The following RGS22 variants were observed in gnomAD, a reference collection of about 807,000 sequenced individuals.
The protein encoded by RGS22 is regulator of G-protein signaling 22.
In RGS22, 148 loss-of-function variants were observed where a neutral mutation model predicts 172.9. The observed-to-expected ratio is 0.86, with a 90% CI of 0.75 to 0.98. The LOEUF (loss-of-function observed/expected upper bound fraction) is 0.98. Ranked by LOEUF, RGS22 falls within the 50% of genes least tolerant of loss-of-function variation. The pLI is 0.00. For missense variants in RGS22, 1,347 were observed against 1,440.8 expected (o/e 0.93, Z 1.05); for synonymous variants, 458 against 480.2 (o/e 0.95, Z 0.60).
chr8:100,043,171 T>C (rs1820323803), intron 11 of RGS22, among the ~76,000 whole-genome samples: 1 of 152,212 alleles, frequency 6.6e-6, no homozygotes, highest in African/African-American at 2.4e-5. Context: ...CTAGTTAGGT[T>C]TCTGGTATTT....
intron 9 of RGS22, among the ~76,000 whole-genome samples, chr8:100,057,553 GCT>G (rs1809744688): frequency 6.6e-6 from 1 of 152,120 alleles, no homozygotes; most frequent in African/African-American, 2.4e-5. Context: ...TCTTTCCCAT[GCT>G]GGTCTTGTGG....
At chr8:100,075,017 G>A (rs113293234) in intron 4 of RGS22, among the ~76,000 whole-genome samples, 129 of 152,210 alleles carry the variant, frequency 8.5e-4, no homozygotes, top group African/African-American at 2.9e-3. Flanking sequence ...TGATCCAGCC[G>A]TCTCGGCCTC....
intron 4 of RGS22, among the ~76,000 whole-genome samples, chr8:100,079,463 T>C (rs1811590326): frequency 6.6e-6 from 1 of 152,218 alleles, no homozygotes; most frequent in Admixed American, 6.5e-5. Flanking sequence ...TCTTAAATGT[T>C]AGACATACTT....
intron 14 of RGS22, among the ~76,000 whole-genome samples, chr8:100,019,041 T>C (rs1345399015): frequency 1.3e-5 from 2 of 152,232 alleles, no homozygotes; most frequent in Non-Finnish European, 2.9e-5. Flanking sequence ...TATTTGGATT[T>C]CTCTTTGTAT....
intron 4 of RGS22, among the ~76,000 whole-genome samples, chr8:100,073,115 T>G (rs897514362): frequency 2.0e-5 from 3 of 152,192 alleles, no homozygotes; most frequent in Non-Finnish European, 4.4e-5. Context: ...CTAAATAATA[T>G]CAGTACCTTG....
chr8:100,040,192 A>G, intron 12 of RGS22, 105 bp from the exon 13 acceptor site: 1 of 986,722 alleles, frequency 1.0e-6, no homozygotes. Context: ...TCATTTTCCC[A>G]CTGGACTATT....
intron 24 of RGS22, among the ~76,000 whole-genome samples, chr8:99,963,579 G>T (rs757513947): frequency 2.0e-5 from 3 of 152,044 alleles, no homozygotes; most frequent in Non-Finnish European, 4.4e-5. Flanking sequence ...TTCTGCATCT[G>T]CAGATTCAAC....
At chr8:100,076,646 C>G (rs1213588252) in intron 4 of RGS22, among the ~76,000 whole-genome samples, 1 of 152,152 alleles carries the variant, frequency 6.6e-6, no homozygotes, top group African/African-American at 2.4e-5. Flanking sequence ...AGATGTAGGA[C>G]TATTCAGATT....
chr8:100,099,319 T>C (rs574308347), intron 2 of RGS22, among the ~76,000 whole-genome samples: 5 of 152,320 alleles, frequency 3.3e-5, no homozygotes, highest in Admixed American at 3.3e-4. Context: ...GCTTTCTCCT[T>C]GTACAAAGAT....
intron 1 of RGS22, 184 bp from the exon 2 acceptor site, chr8:100,105,586 G>A: frequency 1.6e-6 from 1 of 621,416 alleles, no homozygotes; most frequent in Non-Finnish European, 2.8e-6. Context: ...GAAGTGGGAA[G>A]GAAAGGCCTC....
At chr8:99,983,615 G>A (rs775533794) in intron 21 of RGS22, among the ~76,000 whole-genome samples, 12 of 152,084 alleles carry the variant, frequency 7.9e-5, no homozygotes, top group Admixed American at 2.0e-4. Flanking sequence ...AGAAGTATCC[G>A]TTCATGTCCT....
chr8:100,049,365 C>A (rs1456387760), intron 10 of RGS22, among the ~76,000 whole-genome samples: 1 of 152,058 alleles, frequency 6.6e-6, no homozygotes, highest in African/African-American at 2.4e-5. Context: ...GTATTTTCTG[C>A]CAAGGAGACA....
chr8:100,067,756 C>T (rs1187758097), intron 6 of RGS22, among the ~76,000 whole-genome samples: 1 of 151,280 alleles, frequency 6.6e-6, no homozygotes, highest in African/African-American at 2.4e-5. Flanking sequence ...TCCCGAGTAG[C>T]TGGGATTACA....
At chr8:99,987,339 A>C in intron 21 of RGS22, 119 bp downstream of exon 21, 1 of 651,708 alleles carries the variant, frequency 1.5e-6, no homozygotes, top group Non-Finnish European at 2.6e-6. Context: ...TGGTAGGAAG[A>C]AGATAGCAAA....
rs1262894430 is a variant in RGS22, at chr8:100,041,828, T to C, written c.1912A>G (p.Arg638Gly). ...CTAGGTTCTTCTGTATAAGCGTATCTTCTATCCAGCTGGGGCTTGAGACAT... is the reference window on the plus strand; with the variant it reads ...CTAGGTTCTTCTGTATAAGCGTATCCTCTATCCAGCTGGGGCTTGAGACAT... ...SECLKPQLDRRYAYTEEPRVK... is the reference protein window; with the variant it reads ...SECLKPQLDRGYAYTEEPRVK... The change falls in exon 12 of 28, where the codon AGA becomes GGA. Residue 638 changes from arginine (R) to glycine (G), a missense_variant. Arg to Gly is a moderately radical substitution (Grantham distance 125). Transcript: ENST00000360863. 1.2e-6 allele frequency: 2 copies of C among 1,611,578 alleles called. No individual in the cohort carries two copies. Among genetic ancestry groups the C allele is most frequent in the Admixed American group, 3.3e-5 (2 of 60,016 alleles).
At chr8:99,971,620 T>C (rs1043816101) in intron 23 of RGS22, among the ~76,000 whole-genome samples, 4 of 152,074 alleles carry the variant, frequency 2.6e-5, no homozygotes, top group African/African-American at 7.2e-5. Context: ...TGAACTCCCA[T>C]TCACAATTGC....
At position 100,001,382 on chromosome 8, in the gene RGS22, G is replaced by A. The variant is rs552835123; in HGVS notation, c.2790+820C>T. On this transcript the variant is annotated intron_variant, in intron 18 of 27. Coordinates refer to ENST00000360863, the MANE Select transcript of RGS22 (RefSeq NM_015668.5). ...CTCCCGAGTAGCTGGGATTACAGGTGTGTGCCACCACACCTGGCTAAGTTT... is the reference window on the plus strand; with the variant it reads ...CTCCCGAGTAGCTGGGATTACAGGTATGTGCCACCACACCTGGCTAAGTTT... 2.5e-3 allele frequency among the ~76,000 whole-genome samples: 383 copies of A among 151,576 alleles called. 2 individuals carry two copies. The highest frequency in any genetic ancestry group is 9.0e-3 in the African/African-American group (371 of 41,316).
intron 3 of RGS22, 149 bp downstream of exon 3, chr8:100,093,294 TTAAC>T (rs1292780641): frequency 1.9e-5 from 10 of 516,220 alleles, no homozygotes; most frequent in Non-Finnish European, 3.5e-5. Context: ...ATCCAAATGA[TTAAC>T]TATGTAAAAA....
chr8:100,039,884 G>A, intron 13 of RGS22, 78 bp downstream of exon 13: 2 of 803,744 alleles, frequency 2.5e-6, no homozygotes, highest in Non-Finnish European at 3.6e-6. Flanking sequence ...ATAATTATGT[G>A]AGCACTTAAT....
Sources: allele counts gnomAD v4.1 joint callset (sites outside exome capture counted in the v4.1 genomes callset), GRCh38; gene constraint gnomAD v4.1.1; transcripts MANE v1.5; gene names NCBI Gene and HGNC (gene_info 2026-07-23, HGNC 2026-07-21).